Variants in IGSF6 observed in about 807,000 individuals in gnomAD.
The protein encoded by IGSF6 is down-regulated by activation (immunoglobulin superfamily).
Under a neutral mutation model 24.7 loss-of-function variants are expected in IGSF6, and 23 were observed. That is an observed-to-expected ratio of 0.93 (90% CI 0.67 to 1.32). The LOEUF (loss-of-function observed/expected upper bound fraction) is 1.32. Among genes scored for constraint, IGSF6 ranks in the 40% most tolerant of loss-of-function variants. The pLI is 0.00. For synonymous variants in IGSF6, 110 were observed against 113.7 expected, an observed-to-expected ratio of 0.97 and a Z score of 0.21; for missense variants, 295 against 293.6, an observed-to-expected ratio of 1.00 and a Z score of -0.04.
At position 21,641,603 on chromosome 16, in the gene IGSF6, T is replaced by G. The variant is rs936077633; in HGVS notation, c.667-10A>C. 3 of 1,538,080 alleles carry G rather than the reference T, an allele frequency of 2.0e-6. No individual in the cohort carries two copies. The highest frequency in any genetic ancestry group is 2.7e-6 in the Non-Finnish European group (3 of 1,114,732). ...TGTTGTTATCTTTCTCCTGCAATAA[T>G]AAATAAATAGAAAGCCATGTTTAAG... On this transcript the variant is annotated splice_polypyrimidine_tract_variant and intron_variant, in intron 5 of 5. Coordinates refer to ENST00000268389, the MANE Select transcript of IGSF6 (RefSeq NM_005849.4).
chr16:21,648,356 A>G (rs1474354239), intron 1 of IGSF6, among the ~76,000 whole-genome samples: 1 of 152,190 alleles, frequency 6.6e-6, no homozygotes, highest in Non-Finnish European at 1.5e-5. Flanking sequence ...GACCTCATGC[A>G]GTTAGTGTGA....
rs749826676 is a variant in IGSF6 at position 21,644,287 on chromosome 16, T to G, written c.534+3A>C. 21 of 1,592,120 alleles carry G rather than the reference T, an allele frequency of 1.3e-5. No individual in the cohort carries two copies. The Admixed American group carries it at 2.3e-4, about 18-fold the overall frequency. ...ACATTCCATGCAAGAGGATTTGACT[T>G]ACTTTGGAGAGGAGTATGAAGGCCA... On this transcript the variant is annotated splice_donor_region_variant and intron_variant, in intron 3 of 5. Coordinates refer to ENST00000268389, the MANE Select transcript of IGSF6 (RefSeq NM_005849.4).
At position 21,641,515 on chromosome 16, in the gene IGSF6, A is replaced by T. The variant is rs750192058; in HGVS notation, c.*19T>A. On this transcript the variant is annotated 3_prime_UTR_variant, in exon 6 of 6. Coordinates refer to ENST00000268389, the MANE Select transcript of IGSF6 (RefSeq NM_005849.4). ...CTGGAGTTGGATTTTCAGTGACTTC[A>T]TTGAAAATTAAAACGTTTCTATGGC... 2.0e-6 allele frequency: 3 copies of T among 1,516,092 alleles called. No homozygotes were observed. The highest frequency in any genetic ancestry group is 4.6e-5 in the East Asian group (2 of 43,630). The allele number at this position is 1,516,092 out of a possible 1,614,324, so 93.9% of individuals were successfully genotyped here. A position where few individuals can be genotyped will look rare whatever the true frequency, so the allele number is the denominator to read the frequency against.
intron 3 of IGSF6, 71 bp from the exon 4 acceptor site, chr16:21,643,669 C>T: frequency 1.0e-6 from 1 of 979,712 alleles, no homozygotes; most frequent in Non-Finnish European, 1.6e-6. Flanking sequence ...ATATCTCATG[C>T]CCTAATAAGA....
At chr16:21,645,987 G>A (rs1438723874) in intron 2 of IGSF6, among the ~76,000 whole-genome samples, 2 of 152,178 alleles carry the variant, frequency 1.3e-5, no homozygotes, top group Non-Finnish European at 2.9e-5. Context: ...CCCTTCCTCA[G>A]AGTCCTATTT....
intron 5 of IGSF6, chr16:21,642,151 C>T (rs1170546627): frequency 6.6e-6 from 1 of 152,044 alleles, no homozygotes; most frequent in Non-Finnish European, 1.5e-5. Context: ...GTGAAGCGTT[C>T]CATATTTTTT....
At chr16:21,650,548 G>C (rs970804525) in intron 1 of IGSF6, among the ~76,000 whole-genome samples, 8 of 151,642 alleles carry the variant, frequency 5.3e-5, no homozygotes, top group Non-Finnish European at 1.2e-4. Flanking sequence ...GGGTGGCGGG[G>C]ATAGCTGACT....
At chr16:21,647,088 G>C in intron 2 of IGSF6, 45 bp downstream of exon 2, 1 of 1,613,258 alleles carries the variant, frequency 6.2e-7, no homozygotes. Context: ...TTACAGGCCT[G>C]AACAAGATGC....
chr16:21,651,461 C>T (rs1350839161), intron 1 of IGSF6, among the ~76,000 whole-genome samples: 1 of 151,852 alleles, frequency 6.6e-6, no homozygotes, highest in Non-Finnish European at 1.5e-5. Flanking sequence ...GCCATCACGC[C>T]CAGCTATTTT....
In IGSF6 at chr16:21,639,574, G is replaced by A. The variant is rs1313271133; in HGVS notation, c.*1960C>T. 3 of 152,214 alleles carry A rather than the reference G, an allele frequency of 2.0e-5. No individual in the cohort carries two copies. Among genetic ancestry groups the A allele is most frequent in the Non-Finnish European group, 2.9e-5 (2 of 68,040 alleles). The allele number at this position is 152,214 out of a possible 1,614,324, so 9.4% of individuals were successfully genotyped here. A position where few individuals can be genotyped will look rare whatever the true frequency, so the allele number is the denominator to read the frequency against. ...GTTTATTTTGGAATATGGCAGGAAAGTATTAGCATTTTTTATTTATATTGC... is the reference window on the plus strand; with the variant it reads ...GTTTATTTTGGAATATGGCAGGAAAATATTAGCATTTTTTATTTATATTGC... On this transcript the variant is annotated 3_prime_UTR_variant, in exon 6 of 6. Transcript: ENST00000268389.
Position 21,643,065 on chromosome 16 carries a change from TACA to T in IGSF6, c.666+6_666+8del. The T allele has an allele frequency of 6.3e-7, 1 of 1,580,264 alleles. No individual in the cohort carries two copies. Among genetic ancestry groups the T allele is most frequent in the Admixed American group, 1.7e-5 (1 of 59,214 alleles). On this transcript the variant is annotated splice_donor_region_variant and intron_variant, in intron 5 of 5. Transcript: ENST00000268389. ...GTATTTACATTTTTTTTTGACATTT[TACA>T]CTTACAGATTGCTGATTTGTTTCCA... is the stretch of plus-strand genomic sequence containing the variant.
Position 21,647,508 on chromosome 16 carries a change from GA to G in IGSF6, c.68-17del. 1.3e-6 allele frequency: 2 copies of G among 1,598,174 alleles called. No homozygotes were observed. The highest frequency in any genetic ancestry group is 1.7e-6 in the Non-Finnish European group (2 of 1,168,642). Reference sequence around the variant, plus strand: ...CCCACAGCACCTGTGGGAGGAAGCAGATGAGTGGGTTAATGGGCCTGCCACC... The same window carrying G: ...CCCACAGCACCTGTGGGAGGAAGCAGTGAGTGGGTTAATGGGCCTGCCACC... On this transcript the variant is annotated splice_polypyrimidine_tract_variant and intron_variant, in intron 1 of 5. Coordinates refer to ENST00000268389, the MANE Select transcript of IGSF6 (RefSeq NM_005849.4).
At chr16:21,650,982 G>A (rs989196451) in intron 1 of IGSF6, among the ~76,000 whole-genome samples, 4 of 152,206 alleles carry the variant, frequency 2.6e-5, no homozygotes, top group African/African-American at 9.6e-5. Context: ...CCAGCATTAT[G>A]GGAGGCCGAG....
At position 21,640,784 on chromosome 16, in the gene IGSF6, A is replaced by T. The variant is rs1307908260; in HGVS notation, c.*750T>A. On this transcript the variant is annotated 3_prime_UTR_variant, in exon 6 of 6. Coordinates refer to ENST00000268389, the MANE Select transcript of IGSF6 (RefSeq NM_005849.4). ...TCTGTCTCAAAAAAAAAAAAAAAAG[A>T]AAAGAAAAAAAATCAGTATTACAAA... 6.8e-6 allele frequency: 1 copy of T among 147,580 alleles called. No individual in the cohort carries two copies. The highest frequency in any genetic ancestry group is 1.5e-5 in the Non-Finnish European group (1 of 66,926). The allele number at this position is 147,580 out of a possible 1,614,324, so 9.1% of individuals were successfully genotyped here.
intron 3 of IGSF6, 137 bp from the exon 4 acceptor site, chr16:21,643,735 T>C: frequency 1.7e-6 from 1 of 600,376 alleles, no homozygotes; most frequent in South Asian, 2.3e-5. Context: ...TTACATCATT[T>C]TTGAGATGCT....
At chr16:21,646,595 G>C (rs1966435472) in intron 2 of IGSF6, 1 of 199,214 alleles carries the variant, frequency 5.0e-6, no homozygotes, top group Admixed American at 5.3e-5. Flanking sequence ...CATGTAGGGA[G>C]AATAGAGCAC....
intron 5 of IGSF6, 24 bp downstream of exon 5, chr16:21,643,048 ATT>A: frequency 6.9e-7 from 1 of 1,458,266 alleles, no homozygotes; most frequent in Non-Finnish European, 9.5e-7. Context: ...CTGTATTTAC[ATT>A]TTTTTTTGAC....
At position 21,647,320 on chromosome 16, in the gene IGSF6, C is replaced by T. The variant is rs1966456301; in HGVS notation, c.240G>A (p.Leu80=). The change falls in exon 2 of 6, where the codon TTG becomes TTA. Residue 80 remains leucine (L), a synonymous_variant. Coordinates refer to ENST00000268389, the MANE Select transcript of IGSF6 (RefSeq NM_005849.4). ...TGTCTGCCTCACTTTTGCACCCGTCCAAGCACAGGTTCTCAGGCTGGTGAG... is the reference window on the plus strand; with the variant it reads ...TGTCTGCCTCACTTTTGCACCCGTCTAAGCACAGGTTCTCAGGCTGGTGAG... The part of the protein sequence containing the change: ...YGAHQPENLC[L]DGCKSEADKF... 3 of 1,614,184 alleles carry T rather than the reference C, an allele frequency of 1.9e-6. No homozygotes were observed. Among genetic ancestry groups the T allele is most frequent in the East Asian group, 4.5e-5 (2 of 44,880 alleles).
Position 21,652,512 on chromosome 16 carries a change from G to A in IGSF6, c.67+20C>T, listed in dbSNP as rs772795315. On this transcript the variant is annotated intron_variant, in intron 1 of 5. Transcript: ENST00000268389. ...AGTTGATTTAAATAAAATGAAGGAG[G>A]AGAAGAAAAAGAACCTTACCGACAC... The A allele has an allele frequency of 2.8e-5, 44 of 1,586,846 alleles. 1 individual carries two copies. In the South Asian group the frequency reaches 4.6e-4, roughly 16 times the overall value.
Sources: allele counts gnomAD v4.1 joint callset (sites outside exome capture counted in the v4.1 genomes callset), GRCh38; gene constraint gnomAD v4.1.1; transcripts MANE v1.5; gene names NCBI Gene and HGNC (gene_info 2026-07-23, HGNC 2026-07-21).